CCDC3: variants seen among roughly 807,000 people sequenced by gnomAD.
CCDC3 encodes coiled-coil domain-containing protein 3.
Under a neutral mutation model 21.4 loss-of-function variants are expected in CCDC3, and 24 were observed. That is an observed-to-expected ratio of 1.12 (90% CI 0.81 to 1.58). The LOEUF (loss-of-function observed/expected upper bound fraction) is 1.58, where lower values mean the gene tolerates loss of function less well. CCDC3 is among the 40% of genes most tolerant of loss of function. The pLI, the probability that CCDC3 is intolerant of heterozygous loss-of-function variation, is 0.00. For synonymous variants in CCDC3, 186 were observed against 166.0 expected (o/e 1.12, Z -0.93); for missense variants, 425 against 360.9 (o/e 1.18, Z -1.44).
At chr10:12,917,617 T>G (rs1044198741) in intron 2 of CCDC3, among the ~76,000 whole-genome samples, 2 of 152,172 alleles carry the variant, frequency 1.3e-5, no homozygotes, top group Non-Finnish European at 2.9e-5. Context: ...GCGTGGGAGA[T>G]GAGTGGTGAA....
intron 3 of CCDC3, among the ~76,000 whole-genome samples, chr10:13,088,840 T>C (rs890968548): frequency 6.6e-6 from 1 of 151,986 alleles, no homozygotes; most frequent in Admixed American, 6.6e-5. Flanking sequence ...CTGGCCAATA[T>C]AGTGAAACCT....
At chr10:13,091,619 G>A (rs999046925) in intron 3 of CCDC3, among the ~76,000 whole-genome samples, 10 of 152,246 alleles carry the variant, frequency 6.6e-5, no homozygotes, top group East Asian at 3.9e-4. Flanking sequence ...GTCGCCCAAC[G>A]CAGAAATGTT....
chr10:12,907,448 C>T (rs1834190770), intron 2 of CCDC3, among the ~76,000 whole-genome samples: 1 of 152,078 alleles, frequency 6.6e-6, no homozygotes. Flanking sequence ...AGTTTGAGAC[C>T]AGCCTGGCCA....
chr10:13,025,221 C>A (rs954596504), intron 5 of CCDC3, among the ~76,000 whole-genome samples: 3 of 152,164 alleles, frequency 2.0e-5, no homozygotes, highest in African/African-American at 7.2e-5. Flanking sequence ...GGAGGTTCAA[C>A]TGGAATTGGC....
intron 5 of CCDC3, among the ~76,000 whole-genome samples, chr10:13,017,611 G>A (rs749862852): frequency 6.6e-6 from 1 of 151,820 alleles, no homozygotes; most frequent in Non-Finnish European, 1.5e-5. Context: ...ATCTTCTTGT[G>A]TAGATTTTTA....
At chr10:13,093,026 C>CTT (rs143190092) in intron 3 of CCDC3, among the ~76,000 whole-genome samples, 6 of 128,678 alleles carry the variant, frequency 4.7e-5, no homozygotes, top group African/African-American at 1.2e-4. Context: ...AACCCCTCAC[C>CTT]TTTTTTTTTT....
intron 2 of CCDC3, among the ~76,000 whole-genome samples, chr10:12,919,037 C>T (rs1834404649): frequency 6.6e-6 from 1 of 152,046 alleles, no homozygotes. Flanking sequence ...GCCTGGGTGA[C>T]AGAGCAAGAC....
chr10:13,088,534 A>G (rs1371534), intron 3 of CCDC3, among the ~76,000 whole-genome samples: 82,994 of 151,952 alleles, frequency 0.55, 23,243 homozygotes, highest in Middle Eastern at 0.67. Flanking sequence ...TTGAAAAGTA[A>G]TATGAGAACT....
At position 13,001,224 on chromosome 10, in the gene CCDC3, T is replaced by C. The variant is rs201331459; in HGVS notation, c.347A>G (p.Gln116Arg). ...YFSCHSHTVVQDYSYFFFLRM... is the reference protein window; with the variant it reads ...YFSCHSHTVVRDYSYFFFLRM... ...GAGGAAGAAGAAATAGGAGTAGTCCTGGACCACGGTGTGGGAGTGGCACGA... is the reference window on the plus strand; with the variant it reads ...GAGGAAGAAGAAATAGGAGTAGTCCCGGACCACGGTGTGGGAGTGGCACGA... Residue 116 changes from glutamine (Q) to arginine (R), a missense_variant, in exon 1 of 3, where the codon CAG (glutamine) becomes CGG (arginine). Gln to Arg is a conservative substitution (Grantham distance 43). Transcript: ENST00000378825. 4.7e-4 allele frequency: 745 copies of C among 1,568,864 alleles called. 8 individuals carry two copies. The East Asian group carries it at 7.9e-3, about 17-fold the overall frequency.
At chr10:12,931,132 A>G (rs1834633058) in intron 2 of CCDC3, among the ~76,000 whole-genome samples, 1 of 144,292 alleles carries the variant, frequency 6.9e-6, no homozygotes, top group Non-Finnish European at 1.5e-5. Flanking sequence ...AATCACTTGA[A>G]CCCAGGAGGC....
At chr10:13,071,214 A>G (rs1309612867) in intron 4 of CCDC3, among the ~76,000 whole-genome samples, 4 of 152,174 alleles carry the variant, frequency 2.6e-5, no homozygotes, top group Non-Finnish European at 5.9e-5. Flanking sequence ...GTCACAAGAC[A>G]TCCTTTTCTC....
At chr10:12,924,438 C>T (rs1393647646) in intron 2 of CCDC3, among the ~76,000 whole-genome samples, 1 of 152,190 alleles carries the variant, frequency 6.6e-6, no homozygotes, top group African/African-American at 2.4e-5. Context: ...GTTGCCAAAA[C>T]AATTTATAAC....
intron 4 of CCDC3, among the ~76,000 whole-genome samples, chr10:13,056,548 G>C (rs530970319): frequency 1.3e-5 from 2 of 152,156 alleles, no homozygotes; most frequent in African/African-American, 4.8e-5. Context: ...AGAGGAGGGC[G>C]AGTGCCTCAA....
chr10:12,936,417 G>T (rs761758317), intron 2 of CCDC3, among the ~76,000 whole-genome samples: 1 of 152,040 alleles, frequency 6.6e-6, no homozygotes, highest in African/African-American at 2.4e-5. Flanking sequence ...GAGTGCAGTG[G>T]GTGTGATCAT....
At chr10:13,066,163 A>ATT (rs537714732) in intron 4 of CCDC3, among the ~76,000 whole-genome samples, 79 of 147,852 alleles carry the variant, frequency 5.3e-4, no homozygotes, top group Admixed American at 3.8e-3. Flanking sequence ...ACCCTAGGTG[A>ATT]TTTTTTTTTT....
At chr10:13,037,692 T>C (rs1157591768) in intron 5 of CCDC3, among the ~76,000 whole-genome samples, 5 of 152,198 alleles carry the variant, frequency 3.3e-5, no homozygotes, top group Non-Finnish European at 4.4e-5. Flanking sequence ...CCAGGCATAG[T>C]AGCTCATGTC....
At chr10:12,929,026 G>A (rs1834594738) in intron 2 of CCDC3, among the ~76,000 whole-genome samples, 2 of 152,104 alleles carry the variant, frequency 1.3e-5, no homozygotes, top group Admixed American at 1.3e-4. Context: ...CACTTTGGGA[G>A]GCCTAGGTGG....
chr10:13,089,781 C>T lies in CCDC3; in HGVS notation c.-503+8744G>A, dbSNP rs1441910087. Among the ~76,000 whole-genome samples, 6 of 151,916 alleles carry T rather than the reference C, an allele frequency of 3.9e-5. No individual in the cohort carries two copies. In the East Asian group the frequency reaches 1.2e-3, roughly 29 times the overall value. ...TTGTGAGATTTTGGTGCTCCCATCA[C>T]CCGAGCAGTGGACACTGCACCCAAT... On this transcript the variant is annotated intron_variant, in intron 3 of 6. Coordinates refer to the CCDC3 transcript ENST00000378839.
chr10:12,936,978 G>T (rs1424597687), intron 2 of CCDC3, among the ~76,000 whole-genome samples: 1 of 152,160 alleles, frequency 6.6e-6, no homozygotes, highest in Non-Finnish European at 1.5e-5. Context: ...AAATGGTTCC[G>T]TTTCCCTCTT....
Sources: gnomAD v4.1 joint callset for allele counts (sites outside exome capture counted in the v4.1 genomes callset) on GRCh38, gnomAD v4.1.1 for gene constraint, MANE v1.5 for transcripts, NCBI Gene and HGNC (gene_info 2026-07-23, HGNC 2026-07-21) for gene names.